The following NXPE2 variants were observed in gnomAD, a reference collection of about 807,000 sequenced individuals.
NXPE2 encodes the protein NXPE family member 2.
A neutral mutation model predicts 34.4 loss-of-function variants in NXPE2; 34 were observed. That is an observed-to-expected ratio of 0.99 (90% CI 0.75 to 1.31). The LOEUF is 1.31. Among genes scored for constraint, NXPE2 ranks in the 40% most tolerant of loss-of-function variants. NXPE2 has a pLI of 0.00. For synonymous variants in NXPE2, 235 were observed against 231.3 expected (o/e 1.02, Z -0.15); for missense variants, 649 against 672.5 (o/e 0.97, Z 0.39).
chr11:114,664,476 C>A, the NXPE2 span, among the ~76,000 whole-genome samples: 75 of 152,214 alleles, frequency 4.9e-4, no homozygotes, highest in Admixed American at 2.2e-3. Context: ...TTTTACTTCA[C>A]GTAAATTGCA....
At chr11:114,707,414 C>T (rs569169469), downstream of NXPE2, 15 of 426,128 alleles carry the variant, frequency 3.5e-5, no homozygotes, top group African/African-American at 1.5e-4. Context: ...TTTTATTTTT[C>T]GAGACAGTCT....
chr11:114,636,332 C>T, the NXPE2 span, among the ~76,000 whole-genome samples: 12 of 151,784 alleles, frequency 7.9e-5, no homozygotes, highest in African/African-American at 1.7e-4. Context: ...TTTTTTATTG[C>T]GTCTATTTGA....
At chr11:114,494,577 A>G in the NXPE2 span, among the ~76,000 whole-genome samples, 6 of 152,114 alleles carry the variant, frequency 3.9e-5, no homozygotes, top group African/African-American at 7.2e-5. Flanking sequence ...TCTTTGTTCA[A>G]TGTATCTGAT....
At chr11:114,539,086 T>G in the NXPE2 span, among the ~76,000 whole-genome samples, 11 of 152,268 alleles carry the variant, frequency 7.2e-5, no homozygotes, top group South Asian at 2.3e-3. Context: ...CATATACACA[T>G]GGAATACTAT....
the NXPE2 span, among the ~76,000 whole-genome samples, chr11:114,626,108 C>T: frequency 2.6e-5 from 4 of 152,170 alleles, no homozygotes; most frequent in East Asian, 3.8e-4. Flanking sequence ...GAGGGGCGCC[C>T]GCCATTGCCC....
In NXPE2 at chr11:114,698,383, A is replaced by G. The variant is rs770816994; in HGVS notation, c.471A>G (p.Thr157=). The change falls in exon 3 of 6, where the codon ACA becomes ACG. Residue 157 remains threonine, a synonymous_variant. Coordinates refer to ENST00000389586, the MANE Select transcript of NXPE2 (RefSeq NM_182495.6). The stretch of plus-strand genomic sequence containing the variant: ...TCCTGAGGGCCAGGATGTACTCCAC[A>G]GCACTAATGGCAGGTGCTTCAGGAA... ...GDFLRARMYS[T]ALMAGASGKV... is the part of the protein sequence containing the mutation. 1.2e-6 allele frequency: 2 copies of G among 1,613,940 alleles called. No homozygotes were observed. The highest frequency in any genetic ancestry group is 1.7e-5 in the Admixed American group (1 of 59,994).
the NXPE2 span, among the ~76,000 whole-genome samples, chr11:114,730,311 T>C: frequency 1.3e-5 from 2 of 152,060 alleles, no homozygotes; most frequent in African/African-American, 2.4e-5. Context: ...GTAGCTTATA[T>C]GATAGTTGGA....
chr11:114,639,832 T>A, the NXPE2 span, among the ~76,000 whole-genome samples: 1 of 88,134 alleles, frequency 1.1e-5, no homozygotes, highest in Non-Finnish European at 2.2e-5. Context: ...TAATATATAT[T>A]ATATTAAATA....
chr11:114,571,137 T>G, the NXPE2 span: 1 of 1,613,802 alleles, frequency 6.2e-7, no homozygotes, highest in Non-Finnish European at 8.5e-7. Context: ...ATTGTACATC[T>G]CCCTGATGTT....
the NXPE2 span, among the ~76,000 whole-genome samples, chr11:114,470,832 C>T: frequency 2.0e-5 from 3 of 152,086 alleles, no homozygotes; most frequent in Admixed American, 1.3e-4. Context: ...GGTCTATCTA[C>T]GTTATGGAGA....
the NXPE2 span, among the ~76,000 whole-genome samples, chr11:114,721,204 G>T: frequency 2.0e-5 from 3 of 151,804 alleles, no homozygotes; most frequent in African/African-American, 7.3e-5. Flanking sequence ...GTTCATGTGG[G>T]ATCACCTGGT....
chr11:114,738,728 C>A, the NXPE2 span, among the ~76,000 whole-genome samples: 2 of 152,280 alleles, frequency 1.3e-5, no homozygotes, highest in East Asian at 1.9e-4. Flanking sequence ...ACTGTGCATA[C>A]CACCTGATGT....
At chr11:114,621,213 G>T in the NXPE2 span, among the ~76,000 whole-genome samples, 3 of 152,118 alleles carry the variant, frequency 2.0e-5, no homozygotes, top group East Asian at 5.8e-4. Flanking sequence ...TGGATAATAA[G>T]TGTTGCCTCA....
the NXPE2 span, among the ~76,000 whole-genome samples, chr11:114,735,504 G>A: frequency 1.3e-5 from 2 of 152,112 alleles, no homozygotes; most frequent in Non-Finnish European, 2.9e-5. Context: ...AAATGGGGGG[G>A]TTAAAATTAT....
the NXPE2 span, chr11:114,522,140 C>T: frequency 6.2e-7 from 1 of 1,613,926 alleles, no homozygotes; most frequent in Non-Finnish European, 8.5e-7. Flanking sequence ...ATGGAAGTCT[C>T]CAAACCTCTC....
At chr11:114,606,723 G>T in the NXPE2 span, among the ~76,000 whole-genome samples, 1 of 151,974 alleles carries the variant, frequency 6.6e-6, no homozygotes, top group Admixed American at 6.6e-5. Context: ...TGTCTCATGG[G>T]TAACCACTGC....
chr11:114,582,378 T>C, the NXPE2 span: 1 of 1,614,182 alleles, frequency 6.2e-7, no homozygotes, highest in Non-Finnish European at 8.5e-7. Context: ...GGGCATGTGT[T>C]GAGGCCTCAC....
chr11:114,622,757 G>A, the NXPE2 span, among the ~76,000 whole-genome samples: 17 of 151,626 alleles, frequency 1.1e-4, no homozygotes, highest in Non-Finnish European at 1.6e-4. Flanking sequence ...CAGCGGATAA[G>A]TGTTGCCTCA....
At chr11:114,717,387 C>G in the NXPE2 span, among the ~76,000 whole-genome samples, 1 of 152,218 alleles carries the variant, frequency 6.6e-6, no homozygotes, top group East Asian at 1.9e-4. Context: ...TGTCCCTGAA[C>G]GTGGAAATGG....
Sources: gnomAD v4.1 joint callset for allele counts (sites outside exome capture counted in the v4.1 genomes callset) on GRCh38, gnomAD v4.1.1 for gene constraint, MANE v1.5 for transcripts, NCBI Gene and HGNC (gene_info 2026-07-23, HGNC 2026-07-21) for gene names.